The following EPHB1 variants were observed in gnomAD, a reference collection of about 807,000 sequenced individuals.
The protein encoded by EPHB1 is EPH receptor B1.
Under a neutral mutation model 94.4 loss-of-function variants are expected in EPHB1, and 30 were observed. The ratio of observed to expected loss-of-function variants is 0.32; its 90% CI spans 0.24 to 0.43. The LOEUF (loss-of-function observed/expected upper bound fraction) is 0.43, where lower values mean the gene tolerates loss of function less well. Ranked by LOEUF, EPHB1 falls within the 20% of genes least tolerant of loss-of-function variation. The pLI, the probability that EPHB1 is intolerant of heterozygous loss-of-function variation, is 1.00. For synonymous variants in EPHB1, 522 were observed against 489.1 expected (o/e 1.07, Z -0.89); for missense variants, 1,055 against 1,308.3 (o/e 0.81, Z 2.99).
chr3:134,932,242 C>T lies in EPHB1; in HGVS notation c.123+6362C>T, dbSNP rs373805817. ...TAACTCCTGATACGAGCTACATGCC[C>T]ATGAGTGCCGGTGCGCAGGCTGAAT... On this transcript the variant is annotated intron_variant, in intron 2 of 15. Transcript: ENST00000398015. 3.3e-5 allele frequency among the ~76,000 whole-genome samples: 5 copies of T among 152,264 alleles called. No individual in the cohort carries two copies. In the East Asian group the frequency reaches 9.6e-4, roughly 29 times the overall value.
chr3:134,843,429 A>T (rs906497318), intron 1 of EPHB1, among the ~76,000 whole-genome samples: 12 of 152,166 alleles, frequency 7.9e-5, no homozygotes, highest in Non-Finnish European at 1.6e-4. Flanking sequence ...GTTTCTCATT[A>T]AATTTGAACT....
At chr3:134,902,978 T>C (rs1388006730) in intron 1 of EPHB1, among the ~76,000 whole-genome samples, 3 of 152,222 alleles carry the variant, frequency 2.0e-5, no homozygotes, top group African/African-American at 4.8e-5. Flanking sequence ...CCATATTCCA[T>C]GCAGATAATG....
rs193151768 is a variant in EPHB1 at position 135,016,007 on chromosome 3, G to C, written c.805+63955G>C. 1.7e-3 allele frequency among the ~76,000 whole-genome samples: 263 copies of C among 152,330 alleles called. 1 individual carries two copies. Among genetic ancestry groups the C allele is most frequent in the Admixed American group, 0.016 (239 of 15,300 alleles). On this transcript the variant is annotated intron_variant, in intron 3 of 15. Transcript: ENST00000398015. ...TGGTTGAGATGAGGTCTGGGAAGTA[G>C]CCAGGAGCTAGTGGCAGCAGCACAG...
At position 135,259,069 on chromosome 3, in the gene EPHB1, C is replaced by T; in HGVS notation, c.2904C>T (p.Ser968=). The T allele has an allele frequency of 6.2e-7, 1 of 1,610,944 alleles. No homozygotes were observed. Among genetic ancestry groups the T allele is most frequent in the Non-Finnish European group, 8.5e-7 (1 of 1,178,766 alleles). Residue 968 remains serine, a synonymous_variant, in exon 16 of 16, where the codon AGC becomes AGT. Coordinates refer to ENST00000398015, the MANE Select transcript of EPHB1 (RefSeq NM_004441.5). ...LAGHQKKILN[S]IHSMRVQISQ... ...GCCATCAGAAGAAGATCCTGAACAG[C>T]ATTCATTCTATGAGGGTCCAGATAA...
chr3:135,030,421 T>G (rs1936391878), intron 3 of EPHB1, among the ~76,000 whole-genome samples: 1 of 152,180 alleles, frequency 6.6e-6, no homozygotes, highest in South Asian at 2.1e-4. Flanking sequence ...GTCCTTTCTG[T>G]TTGTTAGTTT....
At chr3:134,823,013 G>A (rs552579699) in intron 1 of EPHB1, among the ~76,000 whole-genome samples, 5 of 152,282 alleles carry the variant, frequency 3.3e-5, no homozygotes, top group African/African-American at 7.2e-5. Context: ...GAGTTGTTGC[G>A]AGGGGTACAT....
chr3:134,882,307 TGAGA>T (rs1313550779), intron 1 of EPHB1, among the ~76,000 whole-genome samples: 1 of 152,108 alleles, frequency 6.6e-6, no homozygotes, highest in Non-Finnish European at 1.5e-5. Flanking sequence ...AACCAAAATG[TGAGA>T]GAGAAATAAC....
At position 135,027,797 on chromosome 3, in the gene EPHB1, T is replaced by C. The variant is rs1433219254; in HGVS notation, c.805+75745T>C. On this transcript the variant is annotated intron_variant, in intron 3 of 15. Transcript: ENST00000398015. Reference sequence around the variant, plus strand: ...TTGATTGGAATAGTTTCAGAAGGAATGGTACCAGTTCCTCCTTGTACCTCT... The same window carrying C: ...TTGATTGGAATAGTTTCAGAAGGAACGGTACCAGTTCCTCCTTGTACCTCT... Among the ~76,000 whole-genome samples the C allele has an allele frequency of 1.6e-5, 2 of 126,706 alleles. 1 individual carries two copies. Among genetic ancestry groups the C allele is most frequent in the Non-Finnish European group, 3.5e-5 (2 of 56,436 alleles). The allele number at this position is 126,706 out of a possible 152,430, so 83.1% of individuals were successfully genotyped here.
At position 134,951,485 on chromosome 3, in the gene EPHB1, C is replaced by G. The variant is rs373140258; in HGVS notation, c.238C>G (p.Arg80Gly). The G allele has an allele frequency of 3.1e-6, 5 of 1,611,308 alleles. No individual in the cohort carries two copies. The Admixed American group carries it at 8.4e-5, about 27-fold the overall frequency. ...NWLLTTFINR[R>G]GAHRIYTEMR... is the part of the protein sequence containing the mutation. ...GCTGCTCACCACCTTCATCAACCGG[C>G]GGGGGGCCCATCGCATCTACACAGA... Residue 80 changes from arginine (R) to glycine (G), a missense_variant, in exon 3 of 16, where the codon CGG becomes GGG. Transcript: ENST00000398015. This position sits in a 1 kb window ranked among gnomAD's most constrained non-coding sequence, Gnocchi z 4.5.
intron 1 of EPHB1, among the ~76,000 whole-genome samples, chr3:134,914,254 A>G (rs929938210): frequency 2.0e-5 from 3 of 152,224 alleles, no homozygotes; most frequent in African/African-American, 7.2e-5. Flanking sequence ...TCCCCACATC[A>G]GGACAAAACG....
intron 3 of EPHB1, among the ~76,000 whole-genome samples, chr3:135,099,648 A>G (rs576627606): frequency 5.9e-5 from 9 of 152,296 alleles, no homozygotes; most frequent in Middle Eastern, 3.4e-3. Context: ...AGTAATGTGA[A>G]AGTAATGGAG....
intron 10 of EPHB1, among the ~76,000 whole-genome samples, chr3:135,183,214 T>TCCTCCCTC (rs1204320460): frequency 7.2e-6 from 1 of 138,470 alleles, no homozygotes; most frequent in Non-Finnish European, 1.6e-5. Context: ...CTCCCTCCCT[T>TCCTCCCTC]CCTCCCTCCC....
intron 2 of EPHB1, among the ~76,000 whole-genome samples, chr3:134,939,885 C>T (rs2107709094): frequency 6.6e-6 from 1 of 152,344 alleles, no homozygotes; most frequent in Non-Finnish European, 1.5e-5. Flanking sequence ...TGCAAAATAG[C>T]AGCCTCCCTC....
chr3:135,221,783 T>C (rs1425484337), intron 12 of EPHB1, among the ~76,000 whole-genome samples: 2 of 152,190 alleles, frequency 1.3e-5, no homozygotes, highest in Non-Finnish European at 2.9e-5. Context: ...AGGAGACATA[T>C]TGTTTTGAAA....
intron 3 of EPHB1, among the ~76,000 whole-genome samples, chr3:135,026,449 A>G (rs1316683110): frequency 6.7e-6 from 1 of 149,862 alleles, no homozygotes; most frequent in Non-Finnish European, 1.5e-5. Context: ...CAGTTTTCCC[A>G]GCACCATTTA....
chr3:134,871,609 A>G (rs2037501281), intron 1 of EPHB1, among the ~76,000 whole-genome samples: 1 of 152,090 alleles, frequency 6.6e-6, no homozygotes, highest in Non-Finnish European at 1.5e-5. Context: ...AGTGTATTGC[A>G]CTTCATGTTC....
chr3:135,175,973 T>G (rs555030359), intron 9 of EPHB1, among the ~76,000 whole-genome samples: 6 of 152,186 alleles, frequency 3.9e-5, no homozygotes, highest in Non-Finnish European at 8.8e-5. Flanking sequence ...AACATGCTGA[T>G]GTAGGATTTA....
chr3:135,256,882 A>G (rs1162354913), intron 15 of EPHB1, among the ~76,000 whole-genome samples: 2 of 149,590 alleles, frequency 1.3e-5, no homozygotes, highest in Non-Finnish European at 3.0e-5. Flanking sequence ...GTCTTTTCAC[A>G]TAGTCCCATA....
At chr3:135,170,522 G>T (rs927254618) in intron 9 of EPHB1, among the ~76,000 whole-genome samples, 1 of 152,054 alleles carries the variant, frequency 6.6e-6, no homozygotes, top group Non-Finnish European at 1.5e-5. Context: ...TGGGGATGTG[G>T]CTTTCCGAGT....
Sources: gnomAD v4.1 joint callset for allele counts (sites outside exome capture counted in the v4.1 genomes callset) on GRCh38, gnomAD v4.1.1 for gene constraint, Gnocchi (gnomAD v3.1) non-coding constraint, MANE v1.5 for transcripts, NCBI Gene and HGNC (gene_info 2026-07-23, HGNC 2026-07-21) for gene names.